Variants in SCO2 observed in about 807,000 individuals in gnomAD.
SCO2 encodes the protein cytochrome c oxidase assembly factor SCO2.
For synonymous variants in SCO2, 195 were observed against 148.6 expected, an observed-to-expected ratio of 1.31 and a Z score of -2.27; for missense variants, 429 against 348.7, an observed-to-expected ratio of 1.23 and a Z score of -1.83.
Position 50,523,750 on chromosome 22 carries a change from A to G in SCO2, c.662T>C (p.Ile221Thr). Reference protein sequence around the residue: ...AGPKDEDQDYIVDHSIAIYLL... With the variant: ...AGPKDEDQDYTVDHSIAIYLL... ...GTAGATGGCAATGGAGTGGTCCACG[A>G]TGTAGTCCTGGTCCTCATCCTTGGG... Residue 221 changes from isoleucine (I) to threonine (T), a missense_variant, in exon 2 of 2, where the codon ATC becomes ACC. Coordinates refer to ENST00000395693, the MANE Select transcript of SCO2 (RefSeq NM_005138.3). 6.2e-7 allele frequency: 1 copy of G among 1,614,166 alleles called. No homozygotes were observed. The highest frequency in any genetic ancestry group is 8.5e-7 in the Non-Finnish European group (1 of 1,180,026).
At position 50,523,717 on chromosome 22, in the gene SCO2, T is replaced by C; in HGVS notation, c.695A>G (p.Asn232Ser). The C allele has an allele frequency of 3.1e-6, 5 of 1,614,070 alleles. No homozygotes were observed. Among genetic ancestry groups the C allele is most frequent in the East Asian group, 2.2e-5 (1 of 44,876 alleles). The change falls in exon 2 of 2, where the codon AAC becomes AGC. Residue 232 changes from asparagine (N) to serine (S), a missense_variant. Transcript: ENST00000395693. The stretch of plus-strand genomic sequence containing the variant: ...GTAATCCGTGAAGAGGCCGTCAGGG[T>C]TGAGCAGGTAGATGGCAATGGAGTG... ...VDHSIAIYLL[N>S]PDGLFTDYYG...
intron 1 of SCO2, among the ~76,000 whole-genome samples, chr22:50,525,228 T>C (rs541315500): frequency 1.3e-5 from 2 of 152,328 alleles, no homozygotes; most frequent in African/African-American, 4.8e-5. Context: ...GCCAGCGCCC[T>C]CGTGGCCAGA....
At position 50,523,767 on chromosome 22, in the gene SCO2, A is replaced by G. The variant is rs561543817; in HGVS notation, c.645T>C (p.Asp215=). ...GGTCCACGATGTAGTCCTGGTCCTC[A>G]TCCTTGGGGCCTGCATTGTAGTACA... ...YRVYYNAGPK[D]EDQDYIVDHS... The change falls in exon 2 of 2, where the codon GAT becomes GAC. Residue 215 remains aspartate, a synonymous_variant. Coordinates refer to ENST00000395693, the MANE Select transcript of SCO2 (RefSeq NM_005138.3). 3 of 1,614,146 alleles carry G rather than the reference A, an allele frequency of 1.9e-6. No homozygotes were observed. The highest frequency in any genetic ancestry group is 2.7e-5 in the African/African-American group (2 of 75,044).
chr22:50,526,236 C>G (rs1438872321), upstream of SCO2: 3 of 1,530,502 alleles, frequency 2.0e-6, no homozygotes, highest in Middle Eastern at 1.8e-4. Flanking sequence ...GGGACTCCCC[C>G]GACGCTCACC....
chr22:50,525,125 C>A (rs969020421), intron 1 of SCO2, among the ~76,000 whole-genome samples: 3 of 152,210 alleles, frequency 2.0e-5, no homozygotes, highest in Non-Finnish European at 4.4e-5. Flanking sequence ...TCTCAGGACT[C>A]CCGGTCACTG....
At chr22:50,525,761 A>G, upstream of SCO2, 1 of 1,610,250 alleles carries the variant, frequency 6.2e-7, no homozygotes, top group South Asian at 1.1e-5. Context: ...GTTTCGCGGC[A>G]AAGGAGCTTT....
chr22:50,525,667 G>A (rs2069319230), upstream of SCO2: 4 of 1,519,498 alleles, frequency 2.6e-6, no homozygotes, highest in Non-Finnish European at 3.6e-6. Flanking sequence ...GGAAGGCGGA[G>A]CCCGCCGGGG....
At position 50,524,457 on chromosome 22, in the gene SCO2, G is replaced by T. The variant is rs762819573; in HGVS notation, c.-13-33C>A. On this transcript the variant is annotated intron_variant, in intron 1 of 1. Transcript: ENST00000395693. ...CAAGCACAGGCGTCAGGAGCCAGAA[G>T]GGAAGGCCCAGGACAGTGCCTGGGC... 4 of 1,597,612 alleles carry T rather than the reference G, an allele frequency of 2.5e-6. No homozygotes were observed. In the South Asian group the frequency reaches 3.3e-5, roughly 13 times the overall value.
chr22:50,524,779 G>A (rs1443682299), intron 1 of SCO2: 7 of 422,986 alleles, frequency 1.7e-5, no homozygotes, highest in Non-Finnish European at 2.9e-5. Flanking sequence ...TTCTTAAAAG[G>A]AGGTGGGTAA....
At position 50,523,933 on chromosome 22, in the gene SCO2, A is replaced by C. The variant is rs755433769; in HGVS notation, c.479T>G (p.Val160Gly). ...QLEAEPGLPPVQPVFITVDPE... is the reference protein window; with the variant it reads ...QLEAEPGLPPGQPVFITVDPE... Reference sequence around the variant, plus strand: ...GTCCACAGTGATGAAGACAGGCTGCACTGGAGGCAAACCAGGCTCTGCTTC... The same window carrying C: ...GTCCACAGTGATGAAGACAGGCTGCCCTGGAGGCAAACCAGGCTCTGCTTC... Residue 160 changes from valine to glycine, a missense_variant, in exon 2 of 2, where the codon GTG (valine) becomes GGG (glycine). Coordinates refer to ENST00000395693, the MANE Select transcript of SCO2 (RefSeq NM_005138.3). 1.1e-5 allele frequency: 17 copies of C among 1,612,718 alleles called. No individual in the cohort carries two copies. Among genetic ancestry groups the C allele is most frequent in the Non-Finnish European group, 1.4e-5 (17 of 1,179,250 alleles).
At position 50,523,787 on chromosome 22, in the gene SCO2, A is replaced by G; in HGVS notation, c.625T>C (p.Tyr209His). 1 of 1,614,158 alleles carries G rather than the reference A, an allele frequency of 6.2e-7. No homozygotes were observed. Among genetic ancestry groups the G allele is most frequent in the South Asian group, 1.1e-5 (1 of 91,084 alleles). ...AQASHSYRVYYNAGPKDEDQD... is the reference protein window; with the variant it reads ...AQASHSYRVYHNAGPKDEDQD... ...TCCTCATCCTTGGGGCCTGCATTGTAGTACACGCGGTAACTGTGACTAGCC... is the reference window on the plus strand; with the variant it reads ...TCCTCATCCTTGGGGCCTGCATTGTGGTACACGCGGTAACTGTGACTAGCC... The change falls in exon 2 of 2, where the codon TAC becomes CAC. Residue 209 changes from tyrosine to histidine, a missense_variant. Coordinates refer to ENST00000395693, the MANE Select transcript of SCO2 (RefSeq NM_005138.3).
chr22:50,524,843 A>G, intron 1 of SCO2: 1 of 363,282 alleles, frequency 2.8e-6, no homozygotes, highest in South Asian at 2.0e-5. Flanking sequence ...CTTTCCTGTT[A>G]CCTCCAGCCA....
In SCO2 at chr22:50,523,694, A is replaced by G. The variant is rs1481661878; in HGVS notation, c.718T>C (p.Tyr240His). Residue 240 changes from tyrosine (Y) to histidine (H), a missense_variant, in exon 2 of 2, where the codon TAC becomes CAC. Transcript: ENST00000395693. ...TCAGCCGATCTGCTCCGGCCGTAGT[A>G]ATCCGTGAAGAGGCCGTCAGGGTTG... Reference protein sequence around the residue: ...LLNPDGLFTDYYGRSRSAEQI... With the variant: ...LLNPDGLFTDHYGRSRSAEQI... 1 of 1,614,018 alleles carries G rather than the reference A, an allele frequency of 6.2e-7. No homozygotes were observed. The highest frequency in any genetic ancestry group is 2.2e-5 in the East Asian group (1 of 44,894).
upstream of SCO2, chr22:50,525,721 T>G (rs887410162): frequency 3.1e-6 from 5 of 1,588,794 alleles, no homozygotes; most frequent in Middle Eastern, 1.7e-4. Context: ...CAGCCCTGGA[T>G]CCTTCCGCTC....
rs1164360304 is a variant in SCO2, at chr22:50,525,530, T to C, written c.-72A>G. Reference sequence around the variant, plus strand: ...ACGAGAGGAAGCGCCGACCTCCAGCTCCCTGCGCTCTGCCCCGCCGGCTCA... The same window carrying C: ...ACGAGAGGAAGCGCCGACCTCCAGCCCCCTGCGCTCTGCCCCGCCGGCTCA... On this transcript the variant is annotated 5_prime_UTR_variant, in exon 1 of 2. Transcript: ENST00000395693. 2 of 605,114 alleles carry C rather than the reference T, an allele frequency of 3.3e-6. No homozygotes were observed. The highest frequency in any genetic ancestry group is 5.7e-6 in the Non-Finnish European group (2 of 352,780). The allele number at this position is 605,114 out of a possible 1,614,324, so 37.5% of individuals were successfully genotyped here.
At chr22:50,524,882 C>T (rs1042821807) in intron 1 of SCO2, 43 of 353,366 alleles carry the variant, frequency 1.2e-4, no homozygotes, top group Non-Finnish European at 2.1e-4. Context: ...TTCCTCCACA[C>T]TCCCAGCAGA....
Position 50,524,573 on chromosome 22 carries a change from G to C in SCO2, c.-13-149C>G, listed in dbSNP as rs1443043534. On this transcript the variant is annotated intron_variant, in intron 1 of 1. Transcript: ENST00000395693. Reference sequence around the variant, plus strand: ...ATTTGCAGCTGCTCACCTGAGCTCAGAACTCCACCTCCACCAAACATCCAC... The same window carrying C: ...ATTTGCAGCTGCTCACCTGAGCTCACAACTCCACCTCCACCAAACATCCAC... The C allele has an allele frequency of 6.6e-6, 5 of 752,916 alleles. No homozygotes were observed. The Admixed American group carries it at 1.0e-4, about 15-fold the overall frequency. 46.6% of individuals were successfully genotyped at this position (752,916 alleles called of 1,614,324 possible). A position where few individuals can be genotyped will look rare whatever the true frequency, so the allele number is the denominator to read the frequency against.
At chr22:50,526,249 C>T (rs773626895), upstream of SCO2, 15 of 1,533,908 alleles carry the variant, frequency 9.8e-6, no homozygotes, top group East Asian at 1.8e-4. Flanking sequence ...CGCTCACCAT[C>T]TGCGGGCGCC....
At position 50,525,524 on chromosome 22, in the gene SCO2, T is replaced by C; in HGVS notation, c.-66A>G. 1.7e-6 allele frequency: 1 copy of C among 587,600 alleles called. No individual in the cohort carries two copies. Among genetic ancestry groups the C allele is most frequent in the East Asian group, 3.2e-5 (1 of 31,488 alleles). 36.4% of individuals were successfully genotyped at this position (587,600 alleles called of 1,614,324 possible). On this transcript the variant is annotated 5_prime_UTR_variant, in exon 1 of 2. Transcript: ENST00000395693. ...CCAAGCACGAGAGGAAGCGCCGACC[T>C]CCAGCTCCCTGCGCTCTGCCCCGCC...
Sources: gnomAD v4.1 joint callset for allele counts (sites outside exome capture counted in the v4.1 genomes callset) on GRCh38, gnomAD v4.1.1 for gene constraint, MANE v1.5 for transcripts, NCBI Gene and HGNC (gene_info 2026-07-23, HGNC 2026-07-21) for gene names.